FRRS1: variants seen among roughly 807,000 people sequenced by gnomAD.
The protein encoded by FRRS1 is ferric reductase 1.
Under a neutral mutation model 70.7 loss-of-function variants are expected in FRRS1, and 51 were observed. The observed-to-expected ratio is 0.72, with a 90% CI of 0.58 to 0.91. The LOEUF is 0.91. Ranked by LOEUF, FRRS1 falls within the 40% of genes least tolerant of loss-of-function variation. The probability of loss-of-function intolerance (pLI) is 0.00; values close to 1 mark genes in which losing one functional copy is unlikely to be tolerated. For missense variants in FRRS1, 672 were observed against 726.0 expected (o/e 0.93, Z 0.86); for synonymous variants, 225 against 238.7 (o/e 0.94, Z 0.53).
rs1411480774 is a variant in FRRS1 at position 99,704,916 on chromosome 1, T to A, written c.*4112A>T. Reference sequence around the variant, plus strand: ...GGCTCCCCCATCTGCTGAGAGCTACTTCTACTCAGTAAAACCTTGCACTCG... The same window carrying A: ...GGCTCCCCCATCTGCTGAGAGCTACATCTACTCAGTAAAACCTTGCACTCG... On this transcript the variant is annotated 3_prime_UTR_variant, in exon 17 of 17. Transcript: ENST00000646001. Among the ~76,000 whole-genome samples, 5 of 152,124 alleles carry A rather than the reference T, an allele frequency of 3.3e-5. No homozygotes were observed. Among genetic ancestry groups the A allele is most frequent in the Non-Finnish European group, 7.4e-5 (5 of 67,990 alleles).
Position 99,705,484 on chromosome 1 carries a change from C to T in FRRS1, c.*3544G>A, listed in dbSNP as rs1366226109. On this transcript the variant is annotated 3_prime_UTR_variant, in exon 17 of 17. Coordinates refer to ENST00000646001, the MANE Select transcript of FRRS1 (RefSeq NM_001361041.2). ...AGGACCTTTGTTCTTTTTTTCCCTG[C>T]CTCATGAGAATATACAGATAAATAG... Among the ~76,000 whole-genome samples, 1 of 152,076 alleles carries T rather than the reference C, an allele frequency of 6.6e-6. No homozygotes were observed. Among genetic ancestry groups the T allele is most frequent in the Non-Finnish European group, 1.5e-5 (1 of 67,990 alleles).
At chr1:99,730,765 G>A (rs1345092257) in intron 7 of FRRS1, among the ~76,000 whole-genome samples, 1 of 151,826 alleles carries the variant, frequency 6.6e-6, no homozygotes, top group Non-Finnish European at 1.5e-5. Flanking sequence ...TACTCAGGAG[G>A]CTGAGGCAGG....
At chr1:99,728,189 A>G (rs1164187155) in intron 9 of FRRS1, among the ~76,000 whole-genome samples, 1 of 152,232 alleles carries the variant, frequency 6.6e-6, no homozygotes, top group African/African-American at 2.4e-5. Flanking sequence ...CACTACACTC[A>G]GGGAAGCCCA....
At chr1:99,740,575 T>C (rs370260813) in intron 6 of FRRS1, among the ~76,000 whole-genome samples, 5 of 152,372 alleles carry the variant, frequency 3.3e-5, no homozygotes, top group African/African-American at 1.2e-4. Flanking sequence ...TTCTGTATTT[T>C]ATAATATATG....
At chr1:99,730,438 C>T (rs1244841529) in intron 7 of FRRS1, among the ~76,000 whole-genome samples, 1 of 152,172 alleles carries the variant, frequency 6.6e-6, no homozygotes, top group Non-Finnish European at 1.5e-5. Flanking sequence ...AAGTGATAAT[C>T]AAGCCAGACA....
intron 12 of FRRS1, 55 bp downstream of exon 12, chr1:99,715,531 T>C: frequency 4.1e-6 from 4 of 969,208 alleles, no homozygotes; most frequent in South Asian, 4.1e-5. Flanking sequence ...AAAACAGCAA[T>C]CTGTTTTGAC....
intron 11 of FRRS1, among the ~76,000 whole-genome samples, chr1:99,716,542 G>C (rs1465580657): frequency 6.6e-6 from 1 of 152,198 alleles, no homozygotes; most frequent in Non-Finnish European, 1.5e-5. Context: ...AGCAAGGTGA[G>C]CCAGGTAGCA....
intron 7 of FRRS1, among the ~76,000 whole-genome samples, chr1:99,732,704 C>G (rs1655452793): frequency 6.6e-6 from 1 of 152,060 alleles, no homozygotes; most frequent in Admixed American, 6.5e-5. Flanking sequence ...AAAAAGAGAG[C>G]TCTAAGGCTG....
chr1:99,731,009 C>T (rs376924917), intron 7 of FRRS1, among the ~76,000 whole-genome samples: 11 of 152,114 alleles, frequency 7.2e-5, no homozygotes, highest in African/African-American at 2.2e-4. Context: ...GCACACCAGC[C>T]TGGGCAACTG....
Position 99,717,429 on chromosome 1 carries a change from C to A in FRRS1, c.1217G>T (p.Gly406Val), listed in dbSNP as rs772337638. The change falls in exon 11 of 17, where the codon GGT (glycine) becomes GTT (valine). Residue 406 changes from glycine to valine, a missense_variant. Gly to Val is a moderately radical substitution (Grantham distance 109). Coordinates refer to ENST00000646001, the MANE Select transcript of FRRS1 (RefSeq NM_001361041.2). ...ACCTACCTGAAACCAAGCTGCTTCA[C>A]CAAGCAAGAAAGCTTTTGACCAAAC... Reference protein sequence around the residue: ...KPVWSKAFLLGEAAWFQVHRM... With the variant: ...KPVWSKAFLLVEAAWFQVHRM... The A allele has an allele frequency of 1.9e-6, 3 of 1,613,818 alleles. No individual in the cohort carries two copies. Among genetic ancestry groups the A allele is most frequent in the Admixed American group, 3.3e-5 (2 of 60,026 alleles).
intron 1 of FRRS1, among the ~76,000 whole-genome samples, chr1:99,755,665 A>G (rs1656797128): frequency 6.6e-6 from 1 of 152,230 alleles, no homozygotes; most frequent in Non-Finnish European, 1.5e-5. Context: ...AACAGCATCA[A>G]CCAAGTCACT....
chr1:99,712,567 ATCC>A (rs1654321204), intron 12 of FRRS1, 52 bp from the exon 13 acceptor site: 1 of 1,007,180 alleles, frequency 9.9e-7, no homozygotes, highest in Admixed American at 2.3e-5. Flanking sequence ...ATCAATTTAA[ATCC>A]TCAAGTTAAA....
At chr1:99,741,031 A>C in intron 5 of FRRS1, 91 bp from the exon 6 acceptor site, 1 of 1,191,642 alleles carries the variant, frequency 8.4e-7, no homozygotes, top group Non-Finnish European at 1.2e-6. Context: ...GAAAGACTAA[A>C]CTAGAAAAAC....
At chr1:99,716,085 A>G (rs77387364) in intron 11 of FRRS1, among the ~76,000 whole-genome samples, 106 of 152,354 alleles carry the variant, frequency 7.0e-4, no homozygotes, top group African/African-American at 2.4e-3. Flanking sequence ...TCTCCTGAGG[A>G]GCTTCAGATA....
chr1:99,744,726 C>T (rs1370156176), intron 4 of FRRS1, among the ~76,000 whole-genome samples: 3 of 151,894 alleles, frequency 2.0e-5, no homozygotes, highest in Non-Finnish European at 4.4e-5. Flanking sequence ...GCGGAGGCTG[C>T]GGTGAGCCAA....
intron 7 of FRRS1, among the ~76,000 whole-genome samples, chr1:99,731,761 T>A (rs970753033): frequency 2.0e-5 from 3 of 152,228 alleles, no homozygotes; most frequent in Non-Finnish European, 4.4e-5. Flanking sequence ...AGAGACCATA[T>A]TGCCCACGAA....
intron 1 of FRRS1, among the ~76,000 whole-genome samples, chr1:99,763,099 A>C (rs916267128): frequency 6.6e-6 from 1 of 152,222 alleles, no homozygotes; most frequent in Non-Finnish European, 1.5e-5. Flanking sequence ...TAGATTAAGA[A>C]GCAAAGGCAC....
At position 99,707,275 on chromosome 1, in the gene FRRS1, A is replaced by G. The variant is rs1479122057; in HGVS notation, c.*1753T>C. 6.6e-6 allele frequency among the ~76,000 whole-genome samples: 1 copy of G among 152,060 alleles called. No homozygotes were observed. Among genetic ancestry groups the G allele is most frequent in the Non-Finnish European group, 1.5e-5 (1 of 68,004 alleles). ...AATAATGAGAAAATTTTTGAAAAAT[A>G]TTAATAAAATAAAGATGTAGGCTAC... On this transcript the variant is annotated 3_prime_UTR_variant, in exon 17 of 17. Coordinates refer to ENST00000646001, the MANE Select transcript of FRRS1 (RefSeq NM_001361041.2).
intron 6 of FRRS1, among the ~76,000 whole-genome samples, chr1:99,739,481 T>C (rs1198995043): frequency 6.6e-6 from 1 of 152,148 alleles, no homozygotes; most frequent in Non-Finnish European, 1.5e-5. Flanking sequence ...AATTGTATGG[T>C]CAAACGAAAG....
Sources: allele counts gnomAD v4.1 joint callset (sites outside exome capture counted in the v4.1 genomes callset), GRCh38; gene constraint gnomAD v4.1.1; transcripts MANE v1.5; gene names NCBI Gene and HGNC (gene_info 2026-07-23, HGNC 2026-07-21).